Variants in SHISA9 observed in about 807,000 individuals in gnomAD.
SHISA9 encodes shisa family member 9, also known as protein shisa-9.
In SHISA9, 13 loss-of-function variants were observed where a neutral mutation model predicts 38.0. That is an observed-to-expected ratio of 0.34 (90% CI 0.22 to 0.54). The LOEUF (loss-of-function observed/expected upper bound fraction) is 0.54. Ranked by LOEUF, SHISA9 falls within the 20% of genes least tolerant of loss-of-function variation. The pLI, the probability that SHISA9 is intolerant of heterozygous loss-of-function variation, is 0.91. For synonymous variants in SHISA9, 275 were observed against 242.0 expected, an observed-to-expected ratio of 1.14 and a Z score of -1.27; for missense variants, 538 against 575.8, an observed-to-expected ratio of 0.93 and a Z score of 0.67.
the SHISA9 span, among the ~76,000 whole-genome samples, chr16:13,555,021 C>T: frequency 6.6e-6 from 1 of 152,302 alleles, no homozygotes; most frequent in East Asian, 1.9e-4. Context: ...ACGTTCAAGG[C>T]AACTTGAACT....
At chr16:13,015,860 T>TTGTTTCTTTCTC (rs1555454807) in intron 2 of SHISA9, among the ~76,000 whole-genome samples, 1 of 57,216 alleles carries the variant, frequency 1.7e-5, no homozygotes, top group Non-Finnish European at 3.7e-5. Flanking sequence ...TTCCCTTTCT[T>TTGTTTCTTTCTC]TCTTTCTTTC....
intron 2 of SHISA9, among the ~76,000 whole-genome samples, chr16:12,940,202 G>GC (rs1235620052): frequency 6.6e-6 from 1 of 152,172 alleles, no homozygotes; most frequent in African/African-American, 2.4e-5. Context: ...AGAGGCCAGA[G>GC]CTTGGGCTTG....
At chr16:13,419,212 C>T in the SHISA9 span, among the ~76,000 whole-genome samples, 1 of 152,148 alleles carries the variant, frequency 6.6e-6, no homozygotes, top group Non-Finnish European at 1.5e-5. Context: ...GACAATGTAA[C>T]AGCTGTCACC....
At chr16:13,278,074 C>G in the SHISA9 span, among the ~76,000 whole-genome samples, 1 of 151,700 alleles carries the variant, frequency 6.6e-6, no homozygotes, top group Non-Finnish European at 1.5e-5. Flanking sequence ...GCTTTTATTA[C>G]CTTAAGGTAT....
At chr16:13,387,115 T>C in the SHISA9 span, among the ~76,000 whole-genome samples, 13 of 152,230 alleles carry the variant, frequency 8.5e-5, no homozygotes, top group African/African-American at 2.9e-4. Flanking sequence ...ATTATAAAAT[T>C]CATCCATTTC....
At chr16:13,172,346 C>T (rs1482614874) in intron 2 of SHISA9, among the ~76,000 whole-genome samples, 4 of 152,214 alleles carry the variant, frequency 2.6e-5, no homozygotes, top group African/African-American at 7.2e-5. Context: ...CCAAAGTGCA[C>T]AAGAAGTCCT....
At chr16:13,487,172 G>C in the SHISA9 span, among the ~76,000 whole-genome samples, 7 of 152,104 alleles carry the variant, frequency 4.6e-5, no homozygotes, top group African/African-American at 1.7e-4. Context: ...CCAGGACCCT[G>C]GCAGATACCA....
At chr16:13,449,262 T>A in the SHISA9 span, among the ~76,000 whole-genome samples, 36 of 152,300 alleles carry the variant, frequency 2.4e-4, no homozygotes, top group South Asian at 1.0e-3. Flanking sequence ...TAGACCAAAA[T>A]GTTCAAGGAA....
the SHISA9 span, among the ~76,000 whole-genome samples, chr16:13,273,242 C>A: frequency 2.0e-5 from 3 of 152,280 alleles, no homozygotes; most frequent in Admixed American, 6.5e-5. Flanking sequence ...GACATCTCAA[C>A]GACATGTCCT....
chr16:12,923,443 A>G (rs906248176), intron 2 of SHISA9, among the ~76,000 whole-genome samples: 2 of 151,844 alleles, frequency 1.3e-5, no homozygotes, highest in Non-Finnish European at 2.9e-5. Flanking sequence ...CATGAGAATC[A>G]CTTGAACCTG....
At chr16:13,297,826 G>T in the SHISA9 span, among the ~76,000 whole-genome samples, 4 of 151,902 alleles carry the variant, frequency 2.6e-5, no homozygotes, top group Admixed American at 6.6e-5. Context: ...GCACAATCTC[G>T]GCTCACTGCA....
At chr16:12,971,760 A>AAAGTAAGGAAAATCCTGCAG (rs2072086208) in intron 2 of SHISA9, among the ~76,000 whole-genome samples, 2 of 152,302 alleles carry the variant, frequency 1.3e-5, no homozygotes, top group South Asian at 4.1e-4. Flanking sequence ...CAAAGCAGCC[A>AAAGTAAGGAAAATCCTGCAG]AAGTAAGGAA....
At chr16:13,204,019 C>G (rs2051034632) in intron 3 of SHISA9, among the ~76,000 whole-genome samples, 1 of 151,974 alleles carries the variant, frequency 6.6e-6, no homozygotes, top group African/African-American at 2.4e-5. Context: ...ATCTACCTAC[C>G]TATGTATTAT....
chr16:13,380,807 G>A, the SHISA9 span, among the ~76,000 whole-genome samples: 1 of 151,808 alleles, frequency 6.6e-6, no homozygotes, highest in African/African-American at 2.4e-5. Context: ...TTCTCCTAAT[G>A]TTATCCCTCC....
rs76599630 is a variant in SHISA9, at chr16:12,974,173, G to A, written c.691+57358G>A. Among the ~76,000 whole-genome samples, 184 of 152,238 alleles carry A rather than the reference G, an allele frequency of 1.2e-3. 2 individuals are homozygous for A. Among genetic ancestry groups the A allele is most frequent in the African/African-American group, 4.2e-3 (173 of 41,558 alleles). On this transcript the variant is annotated intron_variant, in intron 2 of 4. Coordinates refer to ENST00000558583, the MANE Select transcript of SHISA9 (RefSeq NM_001145204.3). The stretch of plus-strand genomic sequence containing the variant: ...GGCAATGAAGTCCTATCTAGCGTCC[G>A]TCCTTGTATTCACTGCTCATGACTC...
the SHISA9 span, among the ~76,000 whole-genome samples, chr16:13,324,005 G>C: frequency 6.6e-6 from 1 of 152,092 alleles, no homozygotes; most frequent in Non-Finnish European, 1.5e-5. Context: ...CACTCTATTA[G>C]TTCATGTAAG....
intron 2 of SHISA9, among the ~76,000 whole-genome samples, chr16:13,185,547 G>T (rs1408395287): frequency 2.0e-5 from 3 of 152,180 alleles, no homozygotes; most frequent in African/African-American, 7.2e-5. Flanking sequence ...TTTGGCATAG[G>T]AGGGATTACA....
chr16:13,503,261 A>G, the SHISA9 span, among the ~76,000 whole-genome samples: 1 of 152,262 alleles, frequency 6.6e-6, no homozygotes, highest in Non-Finnish European at 1.5e-5. Flanking sequence ...TAGTATAGCG[A>G]TATAGACAGT....
At chr16:13,210,545 C>G (rs1222300765) in intron 3 of SHISA9, among the ~76,000 whole-genome samples, 1 of 152,218 alleles carries the variant, frequency 6.6e-6, no homozygotes, top group African/African-American at 2.4e-5. Context: ...ACAACAGCAA[C>G]AATACACTTC....
Sources: gnomAD v4.1 joint callset for allele counts (sites outside exome capture counted in the v4.1 genomes callset) on GRCh38, gnomAD v4.1.1 for gene constraint, MANE v1.5 for transcripts, NCBI Gene and HGNC (gene_info 2026-07-23, HGNC 2026-07-21) for gene names.